The following RAB28 variants were observed in gnomAD, a reference collection of about 807,000 sequenced individuals.
RAB28 encodes the protein RAB28, member RAS oncogene family.
In RAB28, 24 loss-of-function variants were observed where a neutral mutation model predicts 31.7. The ratio of observed to expected loss-of-function variants is 0.76; its 90% CI spans 0.55 to 1.06. The LOEUF is 1.06. Ranked by LOEUF, RAB28 falls within the 50% of genes least tolerant of loss-of-function variation. RAB28 has a pLI of 0.00. For missense variants in RAB28, 254 were observed against 258.5 expected, an observed-to-expected ratio of 0.98 and a Z score of 0.12; for synonymous variants, 100 against 90.4, an observed-to-expected ratio of 1.11 and a Z score of -0.60.
chr4:13,413,973 G>A (rs1445320667), intron 4 of RAB28, among the ~76,000 whole-genome samples: 1 of 152,146 alleles, frequency 6.6e-6, no homozygotes, highest in Admixed American at 6.5e-5. Context: ...TCAAGTGACA[G>A]CACAAATATG....
chr4:13,374,929 C>T (rs1034636448), intron 6 of RAB28, among the ~76,000 whole-genome samples: 2 of 152,134 alleles, frequency 1.3e-5, no homozygotes, highest in Non-Finnish European at 2.9e-5. Context: ...TTCTCAAACT[C>T]TTTATACTCT....
chr4:13,459,695 T>C, intron 4 of RAB28: 2 of 899,072 alleles, frequency 2.2e-6, no homozygotes, highest in Non-Finnish European at 2.7e-6. Flanking sequence ...AAAAAAAAAA[T>C]TATATTTCAG....
At chr4:13,464,526 C>T (rs1182792614) in intron 3 of RAB28, among the ~76,000 whole-genome samples, 1 of 151,978 alleles carries the variant, frequency 6.6e-6, no homozygotes, top group Admixed American at 6.6e-5. Flanking sequence ...TAGTATGCTT[C>T]TCCTCCCCCA....
chr4:13,484,172 G>A lies in RAB28; in HGVS notation c.-22C>T. The A allele has an allele frequency of 6.4e-7, 1 of 1,559,248 alleles. No homozygotes were observed. Among genetic ancestry groups the A allele is most frequent in the Non-Finnish European group, 8.7e-7 (1 of 1,148,666 alleles). On this transcript the variant is annotated 5_prime_UTR_variant, in exon 1 of 7. Coordinates refer to ENST00000330852, the MANE Select transcript of RAB28 (RefSeq NM_001017979.3). ...ACATGGTGTCCCGGGAACCAGGCCC[G>A]CCCCTCGAGGTGGGGGGGGAAGGGA... is the stretch of plus-strand genomic sequence containing the variant.
chr4:13,417,031 T>G (rs185353795), intron 4 of RAB28, among the ~76,000 whole-genome samples: 1 of 152,300 alleles, frequency 6.6e-6, no homozygotes, highest in Non-Finnish European at 1.5e-5. Context: ...ACACTCCCAC[T>G]CAAATACTGC....
chr4:13,473,619 C>T (rs1272924905), intron 3 of RAB28, among the ~76,000 whole-genome samples: 6 of 151,736 alleles, frequency 4.0e-5, no homozygotes, highest in Admixed American at 3.9e-4. Context: ...TATATTACTA[C>T]CCTGCATATT....
chr4:13,370,066 C>A, intron 6 of RAB28: 3 of 1,459,732 alleles, frequency 2.1e-6, no homozygotes, highest in South Asian at 1.5e-5. Context: ...GAAGGAAACA[C>A]CAAAGTAGAA....
At chr4:13,375,238 C>G (rs1728872681) in intron 6 of RAB28, among the ~76,000 whole-genome samples, 1 of 152,174 alleles carries the variant, frequency 6.6e-6, no homozygotes, top group African/African-American at 2.4e-5. Flanking sequence ...GATAAAATTT[C>G]ACCTGATCCA....
At chr4:13,437,925 T>G (rs188004915) in intron 4 of RAB28, among the ~76,000 whole-genome samples, 2 of 152,238 alleles carry the variant, frequency 1.3e-5, no homozygotes, top group Admixed American at 1.3e-4. Context: ...TTCACAATAG[T>G]GAAGTCATGG....
At chr4:13,425,940 C>T (rs1184691975) in intron 4 of RAB28, among the ~76,000 whole-genome samples, 4 of 152,068 alleles carry the variant, frequency 2.6e-5, no homozygotes, top group Non-Finnish European at 5.9e-5. Flanking sequence ...CTTCCTGCAT[C>T]CATTCCTGCT....
intron 4 of RAB28, among the ~76,000 whole-genome samples, chr4:13,455,973 T>C (rs142676195): frequency 6.6e-6 from 1 of 152,202 alleles, no homozygotes; most frequent in African/African-American, 2.4e-5. Flanking sequence ...AGTCCATAAG[T>C]GTATTTATTA....
intron 4 of RAB28, among the ~76,000 whole-genome samples, chr4:13,407,437 G>A (rs1426607837): frequency 1.3e-5 from 2 of 152,184 alleles, no homozygotes; most frequent in Admixed American, 1.3e-4. Flanking sequence ...AAGTCAGGTA[G>A]CGTGATGCTT....
intron 4 of RAB28, among the ~76,000 whole-genome samples, chr4:13,457,483 A>T (rs145216504): frequency 3.0e-4 from 46 of 152,268 alleles, no homozygotes; most frequent in African/African-American, 7.2e-4. Context: ...ATTTATCTAT[A>T]ATCTCTTTAT....
chr4:13,477,363 C>T (rs1716405890), intron 2 of RAB28, among the ~76,000 whole-genome samples: 1 of 151,470 alleles, frequency 6.6e-6, no homozygotes, highest in African/African-American at 2.4e-5. Flanking sequence ...AGAGGACTTA[C>T]CAGACTAGTA....
chr4:13,421,593 A>C (rs919888479), intron 4 of RAB28, among the ~76,000 whole-genome samples: 2 of 152,222 alleles, frequency 1.3e-5, no homozygotes, highest in South Asian at 4.1e-4. Flanking sequence ...CTCAGAAACA[A>C]CACCACACAT....
intron 3 of RAB28, among the ~76,000 whole-genome samples, chr4:13,467,512 A>G (rs1159512114): frequency 6.6e-5 from 10 of 151,964 alleles, no homozygotes; most frequent in Non-Finnish European, 1.5e-4. Flanking sequence ...CAGCCATGCC[A>G]TAAGGGACAA....
chr4:13,434,399 A>C (rs1329337048), intron 4 of RAB28, among the ~76,000 whole-genome samples: 1 of 152,220 alleles, frequency 6.6e-6, no homozygotes, highest in Admixed American at 6.5e-5. Context: ...ATTCATATGC[A>C]CCCAACATAG....
intron 1 of RAB28, among the ~76,000 whole-genome samples, chr4:13,480,662 A>G (rs963949343): frequency 6.6e-6 from 1 of 151,902 alleles, no homozygotes; most frequent in African/African-American, 2.4e-5. Context: ...TTTGGACACC[A>G]TAACTCCAAA....
At chr4:13,428,875 A>G (rs143901021) in intron 4 of RAB28, among the ~76,000 whole-genome samples, 20 of 152,288 alleles carry the variant, frequency 1.3e-4, no homozygotes, top group Middle Eastern at 6.8e-3. Context: ...TAAAGGGGAA[A>G]AAAAATAAAT....
Sources: allele counts gnomAD v4.1 joint callset (sites outside exome capture counted in the v4.1 genomes callset), GRCh38; gene constraint gnomAD v4.1.1; transcripts MANE v1.5; gene names NCBI Gene and HGNC (gene_info 2026-07-23, HGNC 2026-07-21).